The following CCDC3 variants were observed in gnomAD, a reference collection of about 807,000 sequenced individuals.
CCDC3 encodes coiled-coil domain-containing protein 3.
A neutral mutation model predicts 21.4 loss-of-function variants in CCDC3; 24 were observed. The ratio of observed to expected loss-of-function variants is 1.12; its 90% CI spans 0.81 to 1.58. The LOEUF (loss-of-function observed/expected upper bound fraction) is 1.58. Ranked by LOEUF, CCDC3 falls within the 40% of genes most tolerant of loss-of-function variation. The pLI is 0.00. For synonymous variants in CCDC3, 186 were observed against 166.0 expected (o/e 1.12, Z -0.93); for missense variants, 425 against 360.9 (o/e 1.18, Z -1.44).
intron 5 of CCDC3, among the ~76,000 whole-genome samples, chr10:13,014,599 T>A (rs550973802): frequency 6.0e-5 from 9 of 151,184 alleles, no homozygotes; most frequent in African/African-American, 2.2e-4. Flanking sequence ...GGAACTGAAA[T>A]GTCAATGGTG....
chr10:13,098,378 A>G (rs909133443), intron 3 of CCDC3: 40 of 152,112 alleles, frequency 2.6e-4, no homozygotes, highest in Non-Finnish European at 2.9e-5. Context: ...CAGTGCTGCA[A>G]TCACAGCTCA....
chr10:12,915,353 T>C (rs1001615136), intron 2 of CCDC3, among the ~76,000 whole-genome samples: 1 of 152,240 alleles, frequency 6.6e-6, no homozygotes, highest in Non-Finnish European at 1.5e-5. Context: ...ATTCATTAAA[T>C]GTCTTGTTTG....
In CCDC3 at chr10:13,010,466, C is replaced by T. The variant is rs536669765; in HGVS notation, c.-1-11954G>A. On this transcript the variant is annotated intron_variant, in intron 5 of 6. Coordinates refer to the CCDC3 transcript ENST00000378839. ...AATAGCAAAAATTAAAGATAATGAC[C>T]ATACCAAGTGTTGTCAAGAACATGA... Among the ~76,000 whole-genome samples, 130 of 152,194 alleles carry T rather than the reference C, an allele frequency of 8.5e-4. 1 individual carries two copies. Among genetic ancestry groups the T allele is most frequent in the African/African-American group, 2.8e-3 (116 of 41,518 alleles).
chr10:12,982,121 C>CAA lies in CCDC3; in HGVS notation c.549+16215_549+16216dup, dbSNP rs71386135. ...TGGGAGACAGAGAGAGACTCTGTCT[C>CAA]AAAAAAAAAAAAAAAAAAAAAAAAA... On this transcript the variant is annotated intron_variant, in intron 2 of 2. Transcript: ENST00000378825. Among the ~76,000 whole-genome samples, 289 of 33,258 alleles carry CAA rather than the reference C, an allele frequency of 8.7e-3. 50 individuals are homozygous for CAA. The highest frequency in any genetic ancestry group is 0.034 in the African/African-American group (250 of 7,422). 21.8% of individuals were successfully genotyped at this position (33,258 alleles called of 152,430 possible).
chr10:12,947,631 C>A (rs1834935707), intron 2 of CCDC3, among the ~76,000 whole-genome samples: 1 of 152,178 alleles, frequency 6.6e-6, no homozygotes, highest in African/African-American at 2.4e-5. Context: ...GAATCTAGAT[C>A]TTCTAATTAT....
chr10:12,920,902 C>G (rs939727035), intron 2 of CCDC3, among the ~76,000 whole-genome samples: 2 of 152,208 alleles, frequency 1.3e-5, no homozygotes, highest in Non-Finnish European at 2.9e-5. Context: ...TCTAGGAAAA[C>G]TTGAGGTCTT....
intron 2 of CCDC3, among the ~76,000 whole-genome samples, chr10:12,980,504 G>C (rs923855849): frequency 2.0e-5 from 3 of 152,198 alleles, no homozygotes; most frequent in Non-Finnish European, 1.5e-5. Context: ...GTCTGTGATG[G>C]ATGGGATGAG....
At chr10:13,036,925 A>G (rs1836384838) in intron 5 of CCDC3, among the ~76,000 whole-genome samples, 1 of 151,242 alleles carries the variant, frequency 6.6e-6, no homozygotes, top group Non-Finnish European at 1.5e-5. Context: ...GACTACAGGC[A>G]TGCACCACCA....
At chr10:12,927,436 T>C (rs766956943) in intron 2 of CCDC3, among the ~76,000 whole-genome samples, 1 of 152,250 alleles carries the variant, frequency 6.6e-6, no homozygotes, top group Non-Finnish European at 1.5e-5. Context: ...ATTTCTTTTT[T>C]ATATTTAGTT....
chr10:13,097,953 GA>G (rs1038508947), intron 3 of CCDC3, among the ~76,000 whole-genome samples: 2 of 152,208 alleles, frequency 1.3e-5, no homozygotes, highest in African/African-American at 4.8e-5. Flanking sequence ...GGTCTGGTCA[GA>G]AAAGAGGTTT....
chr10:13,090,632 G>T (rs1366099427), intron 3 of CCDC3, among the ~76,000 whole-genome samples: 2 of 152,124 alleles, frequency 1.3e-5, no homozygotes, highest in African/African-American at 4.8e-5. Context: ...TTCCCCCAGG[G>T]CAGCTGCCTG....
At chr10:13,085,939 C>A (rs936233534) in intron 3 of CCDC3, among the ~76,000 whole-genome samples, 1 of 150,480 alleles carries the variant, frequency 6.6e-6, no homozygotes, top group Non-Finnish European at 1.5e-5. Context: ...TGCACTCCAG[C>A]CTGGGTGACA....
At chr10:13,076,129 A>C (rs1416173519) in intron 3 of CCDC3, among the ~76,000 whole-genome samples, 1 of 152,198 alleles carries the variant, frequency 6.6e-6, no homozygotes, top group Non-Finnish European at 1.5e-5. Context: ...GAAGCAAAGG[A>C]GGCAGGTCTC....
intron 2 of CCDC3, among the ~76,000 whole-genome samples, chr10:12,982,776 G>C (rs977762935): frequency 2.8e-5 from 3 of 106,646 alleles, no homozygotes; most frequent in Non-Finnish European, 5.1e-5. Context: ...CTGGGTGACA[G>C]AGCAAGACTC....
At chr10:13,028,411 T>C (rs1836253042) in intron 5 of CCDC3, among the ~76,000 whole-genome samples, 1 of 152,202 alleles carries the variant, frequency 6.6e-6, no homozygotes, top group East Asian at 1.9e-4. Flanking sequence ...CTTGGGTATG[T>C]ATTTATTAGC....
intron 2 of CCDC3, among the ~76,000 whole-genome samples, chr10:12,990,638 CTG>C (rs1490909042): frequency 6.6e-6 from 1 of 152,208 alleles, no homozygotes; most frequent in Non-Finnish European, 1.5e-5. Context: ...AAAGTTGCCA[CTG>C]TGAGTTTGAC....
chr10:12,961,518 T>C (rs1030480344), intron 2 of CCDC3, among the ~76,000 whole-genome samples: 1 of 152,174 alleles, frequency 6.6e-6, no homozygotes, highest in Non-Finnish European at 1.5e-5. Context: ...GACATGGTCA[T>C]TGTGAGCCTT....
chr10:13,066,957 C>T (rs1836827202), intron 4 of CCDC3, among the ~76,000 whole-genome samples: 1 of 152,206 alleles, frequency 6.6e-6, no homozygotes, highest in Admixed American at 6.5e-5. Flanking sequence ...TTCTGACAAG[C>T]TAGAGCCCAG....
intron 2 of CCDC3, among the ~76,000 whole-genome samples, chr10:12,941,267 A>G (rs889759534): frequency 1.3e-5 from 2 of 152,206 alleles, no homozygotes; most frequent in African/African-American, 4.8e-5. Flanking sequence ...TATATTGTCT[A>G]AAAAGGGGAG....
Sources: allele counts gnomAD v4.1 joint callset (sites outside exome capture counted in the v4.1 genomes callset), GRCh38; gene constraint gnomAD v4.1.1; transcripts MANE v1.5; gene names NCBI Gene and HGNC (gene_info 2026-07-23, HGNC 2026-07-21).